ZNF684: variants seen among roughly 807,000 people sequenced by gnomAD.
ZNF684 encodes the protein zinc finger protein 684.
A neutral mutation model predicts 12.8 loss-of-function variants in ZNF684; 13 were observed. The observed-to-expected ratio is 1.02, with a 90% CI of 0.66 to 1.62. The LOEUF is 1.62. Ranked by LOEUF, ZNF684 falls within the 40% of genes most tolerant of loss-of-function variation. ZNF684 has a pLI of 0.00. For synonymous variants in ZNF684, 118 were observed against 151.8 expected (o/e 0.78, Z 1.64); for missense variants, 384 against 446.9 (o/e 0.86, Z 1.27).
intron 4 of ZNF684, 65 bp downstream of exon 4, chr1:40,541,775 G>A: frequency 7.4e-7 from 1 of 1,357,712 alleles, no homozygotes; most frequent in Non-Finnish European, 1.0e-6. Flanking sequence ...GTGAGGGACA[G>A]GAAGTTCTGA....
intron 2 of ZNF684, 148 bp from the exon 3 acceptor site, chr1:40,540,438 A>T: frequency 1.2e-6 from 1 of 826,524 alleles, no homozygotes; most frequent in Non-Finnish European, 1.8e-6. Context: ...ATCACAAAGC[A>T]TATTTCCGAA....
intron 1 of ZNF684, 59 bp from the exon 2 acceptor site, chr1:40,533,084 T>G (rs1645966128): frequency 5.5e-6 from 8 of 1,442,976 alleles, no homozygotes; most frequent in Admixed American, 1.7e-5. Context: ...GGTTCTACTT[T>G]GCATGCAGTC....
At chr1:40,540,374 C>T (rs536559413) in intron 2 of ZNF684, among the ~76,000 whole-genome samples, 1 of 151,898 alleles carries the variant, frequency 6.6e-6, no homozygotes, top group African/African-American at 2.4e-5. Context: ...TTTTTTTTCC[C>T]CTGTTGAACT....
intron 2 of ZNF684, among the ~76,000 whole-genome samples, chr1:40,536,281 C>T (rs1447705635): frequency 1.3e-5 from 2 of 151,558 alleles, no homozygotes; most frequent in Non-Finnish European, 2.9e-5. Flanking sequence ...GTAGTCCCAG[C>T]TACTCAGTAG....
At chr1:40,538,736 TACTC>T (rs1241763301) in intron 2 of ZNF684, among the ~76,000 whole-genome samples, 1 of 152,020 alleles carries the variant, frequency 6.6e-6, no homozygotes, top group Non-Finnish European at 1.5e-5. Context: ...TAATCCCAGT[TACTC>T]AGGAGGCTGA....
chr1:40,532,185 G>C (rs1319916428), intron 1 of ZNF684, among the ~76,000 whole-genome samples: 1 of 152,178 alleles, frequency 6.6e-6, no homozygotes, highest in East Asian at 1.9e-4. Flanking sequence ...AAGCATTCTT[G>C]AGAAACTGCT....
At chr1:40,535,546 T>C (rs1645979308) in intron 2 of ZNF684, among the ~76,000 whole-genome samples, 1 of 152,114 alleles carries the variant, frequency 6.6e-6, no homozygotes, top group Non-Finnish European at 1.5e-5. Context: ...TTAATGGGAG[T>C]GCTCCCAGTG....
chr1:40,541,552 G>C lies in ZNF684; in HGVS notation c.143-63G>C, dbSNP rs534342365. On this transcript the variant is annotated intron_variant, in intron 3 of 4. Coordinates refer to ENST00000372699, the MANE Select transcript of ZNF684 (RefSeq NM_152373.4). ...CCTGAGACTCAAGGAGGTAACCCAA[G>C]TTGTGAGCTGGTTGTTTGCCTAGCA... The C allele has an allele frequency of 7.6e-5, 103 of 1,359,924 alleles. 1 individual carries two copies. The South Asian group carries it at 9.2e-4, about 12-fold the overall frequency. 84.2% of individuals were successfully genotyped at this position (1,359,924 alleles called of 1,614,324 possible). A position where few individuals can be genotyped will look rare whatever the true frequency, so the allele number is the denominator to read the frequency against.
intron 4 of ZNF684, among the ~76,000 whole-genome samples, chr1:40,543,776 G>A (rs1557611829): frequency 6.6e-6 from 1 of 152,060 alleles, no homozygotes; most frequent in Non-Finnish European, 1.5e-5. Flanking sequence ...TTTCTTCTCT[G>A]CATCAATCCT....
chr1:40,538,825 AAAACAAAC>A (rs141890741), intron 2 of ZNF684, among the ~76,000 whole-genome samples: 3 of 149,882 alleles, frequency 2.0e-5, no homozygotes, highest in African/African-American at 7.4e-5. Flanking sequence ...TCCATCTCAA[AAAACAAAC>A]AAACAAACAA....
At chr1:40,541,516 C>A in intron 3 of ZNF684, 99 bp from the exon 4 acceptor site, 1 of 909,566 alleles carries the variant, frequency 1.1e-6, no homozygotes, top group Non-Finnish European at 1.7e-6. Flanking sequence ...TGCTTGTTAT[C>A]CTTTAAAAAT....
intron 2 of ZNF684, among the ~76,000 whole-genome samples, chr1:40,535,001 G>A (rs1478267263): frequency 6.6e-6 from 1 of 152,042 alleles, no homozygotes; most frequent in Non-Finnish European, 1.5e-5. Flanking sequence ...AGAAAAGATG[G>A]ATTTCTCTAT....
chr1:40,535,564 G>GT (rs1645979400), intron 2 of ZNF684, among the ~76,000 whole-genome samples: 1 of 151,148 alleles, frequency 6.6e-6, no homozygotes, highest in Admixed American at 6.6e-5. Flanking sequence ...GTGTTTCACC[G>GT]TTTCCTCTTG....
chr1:40,534,297 G>C (rs1240774618), intron 2 of ZNF684, among the ~76,000 whole-genome samples: 2 of 136,508 alleles, frequency 1.5e-5, no homozygotes, highest in Non-Finnish European at 3.0e-5. Flanking sequence ...CTGGAGTGCA[G>C]TGGCACAATC....
At chr1:40,546,427 A>G (rs772289659) in intron 4 of ZNF684, 135 bp from the exon 5 acceptor site, 44 of 845,886 alleles carry the variant, frequency 5.2e-5, no homozygotes, top group Admixed American at 1.4e-4. Flanking sequence ...TTTTATTCTT[A>G]AAGCTCAGGA....
chr1:40,541,837 T>A (rs1025935655), intron 4 of ZNF684, 127 bp downstream of exon 4: 5 of 686,938 alleles, frequency 7.3e-6, no homozygotes, highest in Admixed American at 5.4e-5. Flanking sequence ...CATAACATCA[T>A]CAGCCAGCTC....
chr1:40,546,459 T>TGAG, intron 4 of ZNF684, 103 bp from the exon 5 acceptor site: 1 of 1,174,662 alleles, frequency 8.5e-7, no homozygotes, highest in Non-Finnish European at 1.2e-6. Context: ...AATATAAGAT[T>TGAG]TCTTTCAGAA....
intron 2 of ZNF684, among the ~76,000 whole-genome samples, chr1:40,534,294 G>A (rs1232276309): frequency 2.2e-5 from 3 of 136,346 alleles, no homozygotes; most frequent in Admixed American, 8.0e-5. Context: ...AGGCTGGAGT[G>A]CAGTGGCACA....
intron 4 of ZNF684, among the ~76,000 whole-genome samples, chr1:40,545,224 G>A (rs1032661002): frequency 5.9e-5 from 9 of 152,188 alleles, no homozygotes; most frequent in African/African-American, 1.9e-4. Flanking sequence ...GTCTAGCTCC[G>A]CAGAGAATAA....
Sources: gnomAD v4.1 joint callset for allele counts (sites outside exome capture counted in the v4.1 genomes callset) on GRCh38, gnomAD v4.1.1 for gene constraint, MANE v1.5 for transcripts, NCBI Gene and HGNC (gene_info 2026-07-23, HGNC 2026-07-21) for gene names.